The following TBC1D1 variants were observed in gnomAD, a reference collection of about 807,000 sequenced individuals.
TBC1D1 encodes TBC1 domain family member 1.
TBC1D1 carries 89 observed loss-of-function variants against 125.6 expected under a neutral mutation model. That is an observed-to-expected ratio of 0.71 (90% CI 0.60 to 0.85). TBC1D1 has a LOEUF of 0.85. Among genes scored for constraint, TBC1D1 ranks in the 40% least tolerant of loss-of-function variants. The probability of loss-of-function intolerance (pLI) is 0.00; values close to 1 mark genes in which losing one functional copy is unlikely to be tolerated. For synonymous variants in TBC1D1, 565 were observed against 564.1 expected (o/e 1.00, Z -0.02); for missense variants, 1,377 against 1,469.2 (o/e 0.94, Z 1.03).
intron 2 of TBC1D1, among the ~76,000 whole-genome samples, chr4:37,967,999 A>G (rs1402923263): frequency 6.6e-6 from 1 of 152,258 alleles, no homozygotes; most frequent in African/African-American, 2.4e-5. Flanking sequence ...CTAAAAATAG[A>G]AAAACACCGA....
chr4:38,089,418 A>G (rs1758064222), intron 12 of TBC1D1, among the ~76,000 whole-genome samples: 1 of 152,246 alleles, frequency 6.6e-6, no homozygotes, highest in Non-Finnish European at 1.5e-5. Context: ...CATGAAAGCC[A>G]GACTGTTGGG....
At position 38,137,255 on chromosome 4, in the gene TBC1D1, G is replaced by C; in HGVS notation, c.3427G>C (p.Val1143Leu). 1 of 1,612,182 alleles carries C rather than the reference G, an allele frequency of 6.2e-7. No homozygotes were observed. Among genetic ancestry groups the C allele is most frequent in the Non-Finnish European group, 8.5e-7 (1 of 1,180,010 alleles). Residue 1143 changes from valine to leucine, a missense_variant, in exon 20 of 20, where the codon GTG becomes CTG. By Grantham distance (32) the Val-to-Leu change is conservative (BLOSUM62 1). Transcript: ENST00000261439. ...GGAGCGGTCGGCCCTGCTGCAGACG[G>C]TGGAGGAGCTGCGGCGGCGGAGCGC...
intron 2 of TBC1D1, among the ~76,000 whole-genome samples, chr4:37,969,258 G>A (rs2152342868): frequency 6.6e-6 from 1 of 152,268 alleles, no homozygotes; most frequent in South Asian, 2.1e-4. Context: ...AATCATTGTT[G>A]CTACTACTAA....
intron 3 of TBC1D1, among the ~76,000 whole-genome samples, chr4:38,017,545 T>A (rs1743021921): frequency 6.6e-6 from 1 of 152,222 alleles, no homozygotes; most frequent in Admixed American, 6.5e-5. Context: ...ATAATTCCCC[T>A]TGACTTACAC....
intron 19 of TBC1D1, 134 bp from the exon 22 acceptor site, chr4:38,137,001 G>A: frequency 6.9e-7 from 1 of 1,447,222 alleles, no homozygotes; most frequent in Non-Finnish European, 9.5e-7. Context: ...GGCCAGAACT[G>A]ATGATAAACT....
chr4:38,084,587 G>A (rs1185437368), intron 12 of TBC1D1, among the ~76,000 whole-genome samples: 3 of 152,300 alleles, frequency 2.0e-5, no homozygotes, highest in Admixed American at 6.5e-5. Context: ...TGAGCTGTTC[G>A]TAACAACAGA....
At chr4:37,947,331 AT>A (rs1252950351) in intron 2 of TBC1D1, among the ~76,000 whole-genome samples, 2 of 152,018 alleles carry the variant, frequency 1.3e-5, no homozygotes, top group African/African-American at 4.8e-5. Context: ...TAATTTTTGT[AT>A]TTTTAGTAGA....
At chr4:37,947,916 C>T (rs1464104617) in intron 2 of TBC1D1, among the ~76,000 whole-genome samples, 1 of 151,702 alleles carries the variant, frequency 6.6e-6, no homozygotes, top group African/African-American at 2.4e-5. Context: ...AAAGGTAGTA[C>T]CCCCAAATAA....
chr4:37,966,345 C>T (rs909465007), intron 2 of TBC1D1, among the ~76,000 whole-genome samples: 1 of 152,168 alleles, frequency 6.6e-6, no homozygotes, highest in Non-Finnish European at 1.5e-5. Context: ...TTCACCTCAC[C>T]CAGAGCAAAA....
intron 19 of TBC1D1, among the ~76,000 whole-genome samples, chr4:38,134,012 C>G (rs1252520767): frequency 6.6e-6 from 1 of 152,196 alleles, no homozygotes; most frequent in Non-Finnish European, 1.5e-5. Flanking sequence ...CTACTTTTTT[C>G]TACTTTTTTT....
At chr4:38,047,763 A>AG (rs1024398373) in intron 10 of TBC1D1, among the ~76,000 whole-genome samples, 3 of 152,102 alleles carry the variant, frequency 2.0e-5, no homozygotes, top group African/African-American at 7.2e-5. Flanking sequence ...ACCAGGGAAA[A>AG]GGTGAGGGGT....
intron 9 of TBC1D1, among the ~76,000 whole-genome samples, chr4:38,045,249 C>A (rs2152471459): frequency 6.6e-6 from 1 of 152,230 alleles, no homozygotes; most frequent in East Asian, 1.9e-4. Flanking sequence ...TGTGCAGTAT[C>A]TTATTATAGT....
chr4:38,109,555 C>T (rs1313030999), intron 15 of TBC1D1, among the ~76,000 whole-genome samples: 1 of 152,174 alleles, frequency 6.6e-6, no homozygotes, highest in African/African-American at 2.4e-5. Context: ...TGCAACTAGT[C>T]CTCCCACACC....
At chr4:38,137,012 G>C in intron 19 of TBC1D1, 123 bp from the exon 22 acceptor site, 1 of 1,499,896 alleles carries the variant, frequency 6.7e-7, no homozygotes, top group Admixed American at 1.8e-5. Context: ...ATGATAAACT[G>C]TAGACTCATC....
chr4:37,929,970 C>T (rs1386556813), intron 2 of TBC1D1, among the ~76,000 whole-genome samples: 1 of 152,170 alleles, frequency 6.6e-6, no homozygotes, highest in African/African-American at 2.4e-5. Flanking sequence ...TGGTTTGCTA[C>T]TGTCCACAAA....
Position 37,948,472 on chromosome 4 carries a change from C to T in TBC1D1, c.417+45960C>T, listed in dbSNP as rs539257120. On this transcript the variant is annotated intron_variant, in intron 2 of 19. Transcript: ENST00000261439. ...TGAAACCTTGTCTCTACTGAAAATA[C>T]GAAAATTTGCTGAGCGTGGTGGCGC... is the stretch of plus-strand genomic sequence containing the variant. 3.6e-4 allele frequency among the ~76,000 whole-genome samples: 54 copies of T among 152,040 alleles called. 1 individual carries two copies. Among genetic ancestry groups the T allele is most frequent in the South Asian group, 1.9e-3 (9 of 4,814 alleles).
At chr4:37,943,242 G>C (rs943025134) in intron 2 of TBC1D1, among the ~76,000 whole-genome samples, 1 of 152,166 alleles carries the variant, frequency 6.6e-6, no homozygotes, top group Non-Finnish European at 1.5e-5. Flanking sequence ...TGGGTAACCC[G>C]ACCTTTCTCT....
chr4:37,901,905 G>T (rs75865869), intron 1 of TBC1D1, 98 bp from the exon 2 acceptor site: 1 of 541,182 alleles, frequency 1.8e-6, no homozygotes. Context: ...ATTATATTTG[G>T]GTTTCAGGCT....
At chr4:38,036,608 C>G (rs1305986203) in intron 8 of TBC1D1, among the ~76,000 whole-genome samples, 1 of 152,140 alleles carries the variant, frequency 6.6e-6, no homozygotes, top group Non-Finnish European at 1.5e-5. Flanking sequence ...CGTCTGGACC[C>G]TAAACCAAGT....
Sources: gnomAD v4.1 joint callset for allele counts (sites outside exome capture counted in the v4.1 genomes callset) on GRCh38, gnomAD v4.1.1 for gene constraint, MANE v1.5 for transcripts, NCBI Gene and HGNC (gene_info 2026-07-23, HGNC 2026-07-21) for gene names.